The following CA10 variants were observed in gnomAD, a reference collection of about 807,000 sequenced individuals.
CA10 encodes the protein carbonic anhydrase 10 (inactive), also known as carbonic anhydrase-related protein 10.
In CA10, 14 loss-of-function variants were observed where a neutral mutation model predicts 44.2. The ratio of observed to expected loss-of-function variants is 0.32; its 90% CI spans 0.21 to 0.50. The LOEUF (loss-of-function observed/expected upper bound fraction) is 0.50, where lower values mean the gene tolerates loss of function less well. Ranked by LOEUF, CA10 falls within the 20% of genes least tolerant of loss-of-function variation. CA10 has a pLI of 0.99. For missense variants in CA10, 350 were observed against 409.7 expected, an observed-to-expected ratio of 0.85 and a Z score of 1.26; for synonymous variants, 159 against 141.6, an observed-to-expected ratio of 1.12 and a Z score of -0.87.
chr17:51,659,732 A>G (rs892840748), intron 4 of CA10, among the ~76,000 whole-genome samples: 9 of 152,212 alleles, frequency 5.9e-5, no homozygotes, highest in Non-Finnish European at 1.0e-4. Context: ...GAAAACTTCT[A>G]TGAGTTAGTG....
intron 1 of CA10, among the ~76,000 whole-genome samples, chr17:52,084,491 C>G (rs1162768294): frequency 6.6e-6 from 1 of 152,076 alleles, no homozygotes; most frequent in East Asian, 1.9e-4. Flanking sequence ...TATAAATAAC[C>G]AAGACCAAAC....
At chr17:51,837,956 A>G (rs1018405527) in intron 3 of CA10, among the ~76,000 whole-genome samples, 7 of 152,196 alleles carry the variant, frequency 4.6e-5, no homozygotes, top group Admixed American at 3.3e-4. Context: ...CAGACTCTGA[A>G]ATCCTTACAG....
At position 51,747,820 on chromosome 17, in the gene CA10, T is replaced by TG. The variant is rs1254271640; in HGVS notation, c.280-3dup. 19 of 1,605,634 alleles carry TG rather than the reference T, an allele frequency of 1.2e-5. No homozygotes were observed. Among genetic ancestry groups the TG allele is most frequent in the Non-Finnish European group, 1.5e-5 (18 of 1,175,854 alleles). On this transcript the variant is annotated splice_polypyrimidine_tract_variant and splice_region_variant and intron_variant, in intron 3 of 8. Transcript: ENST00000451037. ...AGTGTTGTACATGGTCCCACTGACC[T>TG]GCAAGGCAATTAGCAACAGGTCAAG...
chr17:52,158,952 T>C (rs1213516468), upstream of CA10, among the ~76,000 whole-genome samples: 5 of 152,180 alleles, frequency 3.3e-5, no homozygotes, highest in East Asian at 9.7e-4. Context: ...AGGAGGAGGC[T>C]GGGTGTCACA....
intron 3 of CA10, among the ~76,000 whole-genome samples, chr17:51,803,589 T>G (rs1268059267): frequency 6.6e-6 from 1 of 152,202 alleles, no homozygotes; most frequent in Non-Finnish European, 1.5e-5. Context: ...AAACACTACA[T>G]TTTAGGAAAA....
intron 2 of CA10, among the ~76,000 whole-genome samples, chr17:52,015,696 G>A (rs748628278): frequency 1.3e-5 from 2 of 152,066 alleles, no homozygotes; most frequent in South Asian, 4.1e-4. Context: ...GAAGCTTAAA[G>A]TCTCAATTTC....
chr17:51,753,717 T>G (rs992509849), intron 3 of CA10, among the ~76,000 whole-genome samples: 2 of 152,192 alleles, frequency 1.3e-5, no homozygotes, highest in African/African-American at 4.8e-5. Flanking sequence ...CATACCTGTC[T>G]TACCTGGTTT....
intron 3 of CA10, among the ~76,000 whole-genome samples, chr17:51,849,446 AC>A (rs1394199416): frequency 1.3e-5 from 2 of 151,406 alleles, no homozygotes; most frequent in Non-Finnish European, 2.9e-5. Context: ...CCCACCTAGA[AC>A]CCCTTTGAGT....
chr17:51,861,976 C>T (rs529899568), intron 3 of CA10, among the ~76,000 whole-genome samples: 1 of 152,174 alleles, frequency 6.6e-6, no homozygotes, highest in African/African-American at 2.4e-5. Flanking sequence ...TAAGACTTCT[C>T]ATATGGTCCA....
At chr17:52,071,975 T>C (rs1598199694) in intron 2 of CA10, among the ~76,000 whole-genome samples, 1 of 152,316 alleles carries the variant, frequency 6.6e-6, no homozygotes, top group Middle Eastern at 3.4e-3. Flanking sequence ...TTCCAGCAGC[T>C]CCATTGCCAT....
intron 1 of CA10, among the ~76,000 whole-genome samples, chr17:52,080,922 G>A (rs1013209072): frequency 8.5e-5 from 13 of 152,112 alleles, no homozygotes; most frequent in Admixed American, 2.0e-4. Flanking sequence ...GAAACATCTA[G>A]TGAGTACCTA....
At chr17:51,667,213 T>G (rs1914240460) in intron 4 of CA10, among the ~76,000 whole-genome samples, 1 of 152,190 alleles carries the variant, frequency 6.6e-6, no homozygotes, top group Non-Finnish European at 1.5e-5. Context: ...TTGTGACTTC[T>G]GATGGGAGGG....
At chr17:52,039,935 G>A (rs1986722776) in intron 2 of CA10, among the ~76,000 whole-genome samples, 1 of 151,912 alleles carries the variant, frequency 6.6e-6, no homozygotes, top group African/African-American at 2.4e-5. Flanking sequence ...CAGATAAACA[G>A]GAGGAAGAGA....
intron 2 of CA10, among the ~76,000 whole-genome samples, chr17:51,986,350 C>T (rs1012899548): frequency 7.2e-5 from 11 of 151,964 alleles, no homozygotes; most frequent in Non-Finnish European, 1.2e-4. Context: ...ATACAAAAAT[C>T]AACTCAAGAT....
intron 2 of CA10, among the ~76,000 whole-genome samples, chr17:52,017,674 A>G (rs952642287): frequency 2.6e-5 from 4 of 152,144 alleles, no homozygotes; most frequent in African/African-American, 9.6e-5. Context: ...AAAAATCTGG[A>G]AAATTTACAG....
intron 5 of CA10, among the ~76,000 whole-genome samples, chr17:51,652,719 G>A (rs1473021692): frequency 6.6e-6 from 1 of 152,174 alleles, no homozygotes; most frequent in Non-Finnish European, 1.5e-5. Context: ...ATTCTTCTGA[G>A]TAATAATGAT....
intron 4 of CA10, among the ~76,000 whole-genome samples, chr17:51,740,191 G>A (rs1035410510): frequency 4.6e-5 from 7 of 151,956 alleles, no homozygotes; most frequent in African/African-American, 1.2e-4. Context: ...TCAGCAATAC[G>A]TACCCTGTGC....
chr17:51,635,647 G>A (rs551629963), intron 7 of CA10, among the ~76,000 whole-genome samples: 14 of 152,340 alleles, frequency 9.2e-5, no homozygotes, highest in African/African-American at 3.4e-4. Flanking sequence ...ACATTCCGCT[G>A]AAGGAAGCAA....
chr17:51,769,473 C>CGT (rs1042365946), intron 3 of CA10, among the ~76,000 whole-genome samples: 6 of 152,036 alleles, frequency 3.9e-5, no homozygotes, highest in East Asian at 1.9e-4. Context: ...TGACTCACAC[C>CGT]GTGTGTGTGT....
Sources: allele counts gnomAD v4.1 joint callset (sites outside exome capture counted in the v4.1 genomes callset), GRCh38; gene constraint gnomAD v4.1.1; transcripts MANE v1.5; gene names NCBI Gene and HGNC (gene_info 2026-07-23, HGNC 2026-07-21).